The following PARVG variants were observed in gnomAD, a reference collection of about 807,000 sequenced individuals.
PARVG encodes parvin gamma, also known as gamma-parvin.
A neutral mutation model predicts 44.4 loss-of-function variants in PARVG; 36 were observed. The observed-to-expected ratio is 0.81, with a 90% CI of 0.62 to 1.07. PARVG has a LOEUF of 1.07. PARVG is among the 50% of genes least tolerant of loss of function. PARVG has a pLI of 0.00. For synonymous variants in PARVG, 170 were observed against 174.1 expected, an observed-to-expected ratio of 0.98 and a Z score of 0.19; for missense variants, 407 against 407.4, an observed-to-expected ratio of 1.00 and a Z score of 0.01.
chr22:44,188,383 G>C (rs2054503542), intron 5 of PARVG: 1 of 181,654 alleles, frequency 5.5e-6, no homozygotes, highest in African/African-American at 2.4e-5. Flanking sequence ...ACAAGCCCCA[G>C]AGTCACCCTC....
chr22:44,190,278 T>A (rs2054530347), intron 6 of PARVG, among the ~76,000 whole-genome samples: 1 of 152,246 alleles, frequency 6.6e-6, no homozygotes, highest in Non-Finnish European at 1.5e-5. Flanking sequence ...TTGTTTCCGA[T>A]TGTAAACAGT....
At chr22:44,187,931 G>A in intron 5 of PARVG, 53 bp downstream of exon 5, 1 of 1,580,132 alleles carries the variant, frequency 6.3e-7, no homozygotes, top group Non-Finnish European at 8.7e-7. Flanking sequence ...CCCCTGACCT[G>A]GCCCCTCCAG....
At chr22:44,195,902 T>A (rs369675673) in intron 9 of PARVG, among the ~76,000 whole-genome samples, 29 of 152,314 alleles carry the variant, frequency 1.9e-4, no homozygotes, top group African/African-American at 7.0e-4. Flanking sequence ...ATGTGTGTTA[T>A]CTGCTATGGA....
intron 12 of PARVG, among the ~76,000 whole-genome samples, chr22:44,199,032 A>G (rs2054669602): frequency 1.4e-5 from 2 of 141,402 alleles, no homozygotes; most frequent in South Asian, 2.4e-4. Context: ...TTATCTACCT[A>G]CCTGACCGCC....
rs377409471 is a variant in PARVG, at chr22:44,196,381, G to A, written c.677G>A (p.Arg226His). ...IVNFVNQKLD[R>H]LGLSVQNLDT... Reference sequence around the variant, plus strand: ...AACTTTGTCAACCAGAAGCTGGACCGCCTGGGCCTGTCTGTGCAGAATCTG... The same window carrying A: ...AACTTTGTCAACCAGAAGCTGGACCACCTGGGCCTGTCTGTGCAGAATCTG... Residue 226 changes from arginine (R) to histidine (H), a missense_variant, in exon 11 of 14, where the codon CGC becomes CAC. Transcript: ENST00000444313. 5.0e-6 allele frequency: 8 copies of A among 1,614,086 alleles called. No individual in the cohort carries two copies. The highest frequency in any genetic ancestry group is 2.2e-5 in the East Asian group (1 of 44,888).
chr22:44,198,760 T>C, intron 12 of PARVG, 38 bp downstream of exon 12: 2 of 1,472,822 alleles, frequency 1.4e-6, no homozygotes, highest in African/African-American at 2.8e-5. Flanking sequence ...GGTCTACCTC[T>C]AGGTGAACAG....
At chr22:44,196,453 G>A (rs561534186) in intron 11 of PARVG, 38 bp downstream of exon 11, 11 of 1,609,276 alleles carry the variant, frequency 6.8e-6, no homozygotes, top group Non-Finnish European at 8.5e-6. Context: ...GCAGGGCAGG[G>A]CCACTGGCCG....
intron 5 of PARVG, 21 bp downstream of exon 5, chr22:44,187,899 C>A (rs115342154): frequency 6.2e-7 from 1 of 1,613,100 alleles, no homozygotes; most frequent in African/African-American, 1.3e-5. Flanking sequence ...GTTTCTGGGG[C>A]TGCCTGGGCC....
At chr22:44,191,988 GC>G in intron 7 of PARVG, 60 bp from the exon 8 acceptor site, 1 of 1,571,520 alleles carries the variant, frequency 6.4e-7, no homozygotes, top group Non-Finnish European at 8.7e-7. Flanking sequence ...GATCACTGGG[GC>G]TTCTTTGGGC....
Position 44,205,749 on chromosome 22 carries a change from C to A in PARVG, c.814-8C>A. On this transcript the variant is annotated splice_polypyrimidine_tract_variant and splice_region_variant and intron_variant, in intron 12 of 13. Coordinates refer to ENST00000444313, the MANE Select transcript of PARVG (RefSeq NM_022141.7). ...GTGCCCACATCTGATAGGGCCTTGT[C>A]ATCATAGCTGCACAACGTCACCCTG... is the stretch of plus-strand genomic sequence containing the variant. 1.9e-6 allele frequency: 3 copies of A among 1,613,526 alleles called. No individual in the cohort carries two copies. In the South Asian group the frequency reaches 3.3e-5, roughly 18 times the overall value.
chr22:44,184,374 T>G (rs894578913), intron 3 of PARVG: 1 of 152,216 alleles, frequency 6.6e-6, no homozygotes, highest in Non-Finnish European at 1.5e-5. Context: ...AATCTCACTG[T>G]GTCACCCAGG....
At chr22:44,198,921 T>C (rs112463075) in intron 12 of PARVG, among the ~76,000 whole-genome samples, 199 bp downstream of exon 12, 765 of 32,742 alleles carry the variant, frequency 0.023, 2 homozygotes, top group Middle Eastern at 0.042. Flanking sequence ...CATCCATCCA[T>C]CTACCCATCC....
At chr22:44,186,256 G>A (rs3747213) in intron 4 of PARVG, 75,600 of 313,226 alleles carry the variant, frequency 0.24, 10,549 homozygotes, top group Non-Finnish European at 0.31. Flanking sequence ...CCCTAAGCCC[G>A]TGCTCCTCCC....
In PARVG at chr22:44,196,185, C is replaced by G. The variant is rs765623404; in HGVS notation, c.614C>G (p.Ala205Gly). 39 of 1,614,052 alleles carry G rather than the reference C, an allele frequency of 2.4e-5. No homozygotes were observed. Among genetic ancestry groups the G allele is most frequent in the Non-Finnish European group, 6.8e-6 (8 of 1,180,026 alleles). ...GTCTTTGATGAATTATTTAAGCTGG[C>G]TCCGGAGAAAGTGAACGCAGTGAAA... is the stretch of plus-strand genomic sequence containing the variant. ...KDVFDELFKLAPEKVNAVKEA... is the reference protein window; with the variant it reads ...KDVFDELFKLGPEKVNAVKEA... The change falls in exon 10 of 14, where the codon GCT becomes GGT. Residue 205 changes from alanine (A) to glycine (G), a missense_variant. Coordinates refer to ENST00000444313, the MANE Select transcript of PARVG (RefSeq NM_022141.7).
intron 4 of PARVG, chr22:44,186,788 C>T (rs892739778): frequency 2.5e-6 from 1 of 405,680 alleles, no homozygotes. Flanking sequence ...TGGAGCTGGT[C>T]ATGGTTCTGG....
intron 5 of PARVG, chr22:44,188,841 GCTCT>G (rs2054510216): frequency 2.1e-6 from 1 of 486,578 alleles, no homozygotes; most frequent in East Asian, 3.6e-5. Flanking sequence ...GGTGAGGTGG[GCTCT>G]CTCAACCAGC....
intron 12 of PARVG, 107 bp downstream of exon 12, chr22:44,198,829 A>G (rs2054654078): frequency 1.2e-6 from 1 of 857,544 alleles, no homozygotes; most frequent in Non-Finnish European, 1.9e-6. Flanking sequence ...TGAAGGGTGT[A>G]GGGGAAGCTT....
rs368480669 is a variant in PARVG, at chr22:44,185,921, C to T, written c.144+49C>T. The T allele has an allele frequency of 5.8e-6, 9 of 1,560,916 alleles. No homozygotes were observed. In the African/African-American group the frequency reaches 1.2e-4, roughly 21 times the overall value. ...ACTTCCCTGGGTGCCTCTTGGCAGA[C>T]CAGGCAGCGGCCTCCACGGGGCGGG... On this transcript the variant is annotated intron_variant, in intron 4 of 13. Coordinates refer to ENST00000444313, the MANE Select transcript of PARVG (RefSeq NM_022141.7).
intron 9 of PARVG, 59 bp from the exon 10 acceptor site, chr22:44,196,096 C>A: frequency 6.3e-7 from 1 of 1,599,274 alleles, no homozygotes; most frequent in South Asian, 1.1e-5. Context: ...AAAAAATTCC[C>A]TGTTTGGCAC....
Sources: gnomAD v4.1 joint callset for allele counts (sites outside exome capture counted in the v4.1 genomes callset) on GRCh38, gnomAD v4.1.1 for gene constraint, MANE v1.5 for transcripts, NCBI Gene and HGNC (gene_info 2026-07-23, HGNC 2026-07-21) for gene names.